The following RNF152 variants were observed in gnomAD, a reference collection of about 807,000 sequenced individuals.
RNF152 encodes E3 ubiquitin-protein ligase RNF152.
A neutral mutation model predicts 12.7 loss-of-function variants in RNF152; 11 were observed. The observed-to-expected ratio is 0.86, with a 90% CI of 0.54 to 1.43. RNF152 has a LOEUF of 1.43. Among genes scored for constraint, RNF152 ranks in the 40% most tolerant of loss-of-function variants. The pLI is 0.00. For missense variants in RNF152, 255 were observed against 274.8 expected (o/e 0.93, Z 0.51); for synonymous variants, 113 against 120.3 (o/e 0.94, Z 0.40).
At chr18:61,841,138 T>C (rs1910436912) in intron 1 of RNF152, among the ~76,000 whole-genome samples, 1 of 152,180 alleles carries the variant, frequency 6.6e-6, no homozygotes, top group Admixed American at 6.5e-5. Context: ...ATCTTCTGCT[T>C]TTTAGAAATT....
chr18:61,824,316 G>A (rs1777363315), intron 1 of RNF152, among the ~76,000 whole-genome samples: 1 of 152,184 alleles, frequency 6.6e-6, no homozygotes, highest in South Asian at 2.1e-4. Flanking sequence ...GGATTAGATG[G>A]TCCCCTAAAG....
At chr18:61,887,631 C>A (rs949319942) in intron 1 of RNF152, among the ~76,000 whole-genome samples, 2 of 146,512 alleles carry the variant, frequency 1.4e-5, no homozygotes, top group African/African-American at 5.1e-5. Flanking sequence ...ACCCAGGAGG[C>A]AGAGGTTACA....
intron 1 of RNF152, among the ~76,000 whole-genome samples, chr18:61,825,372 T>C (rs921461527): frequency 2.0e-5 from 3 of 152,148 alleles, no homozygotes; most frequent in Non-Finnish European, 4.4e-5. Context: ...AACAGAACTA[T>C]CATTGCCTGT....
rs560042978 is a variant in RNF152, at chr18:61,882,320, G to A, written c.-136+10475C>T. Among the ~76,000 whole-genome samples, 48 of 152,308 alleles carry A rather than the reference G, an allele frequency of 3.2e-4. No individual in the cohort carries two copies. In the South Asian group the frequency reaches 9.9e-3, roughly 32 times the overall value. On this transcript the variant is annotated intron_variant, in intron 1 of 1. Coordinates refer to ENST00000312828, the MANE Select transcript of RNF152 (RefSeq NM_173557.3). ...AAAGGCAATTTATTAGATGCATTCT[G>A]TTTGCCTATAAAATTCCCCTTCCAA...
chr18:61,860,351 A>G (rs1911412034), intron 1 of RNF152, among the ~76,000 whole-genome samples: 1 of 152,256 alleles, frequency 6.6e-6, no homozygotes, highest in Admixed American at 6.5e-5. Context: ...ACCAAATAGC[A>G]AAGAGAAAAT....
intron 1 of RNF152, among the ~76,000 whole-genome samples, chr18:61,838,381 C>T (rs904742777): frequency 2.6e-5 from 4 of 152,146 alleles, no homozygotes; most frequent in African/African-American, 9.7e-5. Flanking sequence ...CAAAAGACTC[C>T]AGAGATCAGC....
At chr18:61,891,208 T>C (rs975642423) in intron 1 of RNF152, among the ~76,000 whole-genome samples, 11 of 152,184 alleles carry the variant, frequency 7.2e-5, no homozygotes, top group Non-Finnish European at 1.3e-4. Flanking sequence ...CTAGGGATCC[T>C]CCAGCCTAAA....
intron 1 of RNF152, among the ~76,000 whole-genome samples, chr18:61,855,746 C>A (rs1911198668): frequency 6.6e-6 from 1 of 152,158 alleles, no homozygotes; most frequent in Non-Finnish European, 1.5e-5. Flanking sequence ...GGAATCTGGG[C>A]TGGTAGCATG....
chr18:61,842,474 G>A (rs7236480), intron 1 of RNF152, among the ~76,000 whole-genome samples: 65,493 of 152,062 alleles, frequency 0.43, 16,096 homozygotes, highest in Non-Finnish European at 0.57. Flanking sequence ...TGTCACAGGG[G>A]CTTTGTTTCC....
At chr18:61,835,882 C>T (rs944696272) in intron 1 of RNF152, among the ~76,000 whole-genome samples, 4 of 152,056 alleles carry the variant, frequency 2.6e-5, no homozygotes, top group African/African-American at 4.8e-5. Flanking sequence ...AATAAGCAAC[C>T]AGATTGATAT....
chr18:61,859,924 T>A (rs1173480690), intron 1 of RNF152, among the ~76,000 whole-genome samples: 17 of 150,842 alleles, frequency 1.1e-4, no homozygotes. Flanking sequence ...ACCCCTAGTA[T>A]CTCAGAATGT....
rs142837580 is a variant in RNF152 at position 61,815,443 on chromosome 18, G to C, written c.*409C>G. 1 of 155,728 alleles carries C rather than the reference G, an allele frequency of 6.4e-6. No individual in the cohort carries two copies. Among genetic ancestry groups the C allele is most frequent in the Non-Finnish European group, 1.4e-5 (1 of 70,600 alleles). The allele number at this position is 155,728 out of a possible 1,614,324, so 9.6% of individuals were successfully genotyped here. The stretch of plus-strand genomic sequence containing the variant: ...CTTCACTGAATTTTTACACGGATTC[G>C]CAGGTTTAATTCTACTTGTCTACAG... On this transcript the variant is annotated 3_prime_UTR_variant, in exon 2 of 2. Coordinates refer to ENST00000312828, the MANE Select transcript of RNF152 (RefSeq NM_173557.3).
chr18:61,830,761 T>G (rs1909903760), intron 1 of RNF152, among the ~76,000 whole-genome samples: 1 of 130,716 alleles, frequency 7.7e-6, no homozygotes, highest in Non-Finnish European at 1.7e-5. Flanking sequence ...GAGCTGAGAG[T>G]GAAGGAGTAT....
chr18:61,855,711 C>T (rs999479940), intron 1 of RNF152, among the ~76,000 whole-genome samples: 2 of 152,216 alleles, frequency 1.3e-5, no homozygotes. Flanking sequence ...CATCACTCCA[C>T]GTCTGGCTCG....
intron 1 of RNF152, among the ~76,000 whole-genome samples, chr18:61,852,631 T>C (rs1010340017): frequency 2.6e-5 from 4 of 152,192 alleles, no homozygotes; most frequent in Non-Finnish European, 5.9e-5. Context: ...TCACCTTAGC[T>C]GCAAACTTCC....
chr18:61,832,128 G>T (rs1210167494), intron 1 of RNF152, among the ~76,000 whole-genome samples: 2 of 151,890 alleles, frequency 1.3e-5, no homozygotes, highest in African/African-American at 4.8e-5. Context: ...AGTCACATTT[G>T]TAAACTGTTG....
intron 1 of RNF152, among the ~76,000 whole-genome samples, chr18:61,851,475 T>C (rs995293369): frequency 6.6e-6 from 1 of 152,152 alleles, no homozygotes; most frequent in Admixed American, 6.5e-5. Flanking sequence ...TCAGGAACTG[T>C]GCCCAGTTTT....
rs956810703 is a variant in RNF152 at position 61,827,698 on chromosome 18, G to C, written c.-135-11100C>G. Among the ~76,000 whole-genome samples, 24 of 152,106 alleles carry C rather than the reference G, an allele frequency of 1.6e-4. 1 individual carries two copies. The highest frequency in any genetic ancestry group is 9.2e-4 in the Admixed American group (14 of 15,276). On this transcript the variant is annotated intron_variant, in intron 1 of 1. Transcript: ENST00000312828. ...AGTTTCTCTACCTACCCTCAATATT[G>C]ATGATTCATGGCACGAGTTAAGCCT...
At chr18:61,830,924 C>T (rs1005359960) in intron 1 of RNF152, among the ~76,000 whole-genome samples, 1 of 152,160 alleles carries the variant, frequency 6.6e-6, no homozygotes, top group African/African-American at 2.4e-5. Context: ...CTAGCAAAGT[C>T]CTGACTTGTA....
Sources: allele counts gnomAD v4.1 joint callset (sites outside exome capture counted in the v4.1 genomes callset), GRCh38; gene constraint gnomAD v4.1.1; transcripts MANE v1.5; gene names NCBI Gene and HGNC (gene_info 2026-07-23, HGNC 2026-07-21).